STARD3NL: variants seen among roughly 807,000 people sequenced by gnomAD.
The protein encoded by STARD3NL is STARD3 N-terminal-like protein.
Under a neutral mutation model 30.9 loss-of-function variants are expected in STARD3NL, and 17 were observed. That is an observed-to-expected ratio of 0.55 (90% CI 0.38 to 0.82). STARD3NL has a LOEUF of 0.82. STARD3NL is among the 40% of genes least tolerant of loss of function. The pLI is 0.00. For synonymous variants in STARD3NL, 112 were observed against 100.5 expected (o/e 1.11, Z -0.69); for missense variants, 234 against 277.6 (o/e 0.84, Z 1.12).
At position 38,224,806 on chromosome 7, in the gene STARD3NL, G is replaced by T. The variant is rs201544784; in HGVS notation, c.650-3993G>T. The stretch of plus-strand genomic sequence containing the variant: ...TAAAGTGCTTCCTTTAAGTGAAAAG[G>T]TGACAGTTCTCAACTTAATAAGAAA... On this transcript the variant is annotated intron_variant, in intron 7 of 8. Coordinates refer to ENST00000009041, the MANE Select transcript of STARD3NL (RefSeq NM_032016.4). Among the ~76,000 whole-genome samples, 8 of 152,240 alleles carry T rather than the reference G, an allele frequency of 5.3e-5. No homozygotes were observed. The East Asian group carries it at 7.7e-4, about 15-fold the overall frequency.
In STARD3NL at chr7:38,219,657, G is replaced by A. The variant is rs768953294; in HGVS notation, c.646G>A (p.Ala216Thr). The A allele has an allele frequency of 6.2e-7, 1 of 1,611,526 alleles. No homozygotes were observed. Among genetic ancestry groups the A allele is most frequent in the South Asian group, 1.1e-5 (1 of 90,984 alleles). Residue 216 changes from alanine to threonine, a missense_variant, in exon 7 of 9, where the codon GCA becomes ACA. Physicochemically the swap from Ala to Thr is moderately conservative, Grantham distance 58. Transcript: ENST00000009041. ...GQFYSPPESE[A>T]GSEEAEEKQD... ...GTTTTATTCCCCTCCTGAATCCGAA[G>A]CAGGTAAAAAACTTGATTATTATTT...
At chr7:38,214,503 G>A (rs1005461139) in intron 3 of STARD3NL, 69 bp downstream of exon 3, 1 of 974,374 alleles carries the variant, frequency 1.0e-6, no homozygotes, top group African/African-American at 1.7e-5. Flanking sequence ...CCTCTAAATA[G>A]ACTTCAAATT....
At chr7:38,217,343 G>A in intron 6 of STARD3NL, 38 bp downstream of exon 6, 2 of 1,585,374 alleles carry the variant, frequency 1.3e-6, no homozygotes, top group Non-Finnish European at 1.7e-6. Flanking sequence ...GAGGCGGACT[G>A]GATACCAAGC....
intron 6 of STARD3NL, among the ~76,000 whole-genome samples, chr7:38,218,420 C>G (rs1786249327): frequency 6.6e-6 from 1 of 152,170 alleles, no homozygotes; most frequent in Non-Finnish European, 1.5e-5. Context: ...CCTGTGCCGT[C>G]TATTCCTTTG....
intron 1 of STARD3NL, 87 bp from the exon 2 acceptor site, chr7:38,207,360 G>T: frequency 1.6e-6 from 1 of 637,126 alleles, no homozygotes; most frequent in Non-Finnish European, 2.7e-6. Flanking sequence ...TGTTCAGTTA[G>T]AGAAATAGTT....
intron 1 of STARD3NL, among the ~76,000 whole-genome samples, chr7:38,199,555 A>G (rs1229990816): frequency 2.6e-5 from 4 of 152,214 alleles, no homozygotes; most frequent in Non-Finnish European, 5.9e-5. Context: ...CTAGTGTGGT[A>G]AGCAGTATCA....
chr7:38,215,758 G>C (rs1786071638), intron 4 of STARD3NL: 1 of 152,332 alleles, frequency 6.6e-6, no homozygotes, highest in Non-Finnish European at 1.5e-5. Flanking sequence ...GGAAGAAAAT[G>C]TGGAGCTCCT....
intron 1 of STARD3NL, among the ~76,000 whole-genome samples, chr7:38,191,379 T>G (rs1410736792): frequency 2.0e-5 from 3 of 152,236 alleles, no homozygotes; most frequent in Admixed American, 2.0e-4. Flanking sequence ...TTGTCCCAAA[T>G]GGACCAGGGG....
rs948620616 is a variant in STARD3NL, at chr7:38,219,486, A to C, written c.554-79A>C. 4 of 967,742 alleles carry C rather than the reference A, an allele frequency of 4.1e-6. No individual in the cohort carries two copies. In the African/African-American group the frequency reaches 4.9e-5, roughly 12 times the overall value. The allele number at this position is 967,742 out of a possible 1,614,324, so 59.9% of individuals were successfully genotyped here. Reference sequence around the variant, plus strand: ...GGTATTTCATTGTAATAATAATACCATTTTATTTTACTTAATCTTGCCAAA... The same window carrying C: ...GGTATTTCATTGTAATAATAATACCCTTTTATTTTACTTAATCTTGCCAAA... On this transcript the variant is annotated intron_variant, in intron 6 of 8. Transcript: ENST00000009041.
At chr7:38,181,852 C>T (rs936288795) in intron 1 of STARD3NL, among the ~76,000 whole-genome samples, 1 of 152,138 alleles carries the variant, frequency 6.6e-6, no homozygotes, top group East Asian at 1.9e-4. Flanking sequence ...CTGGTCTTTG[C>T]CTCAGGCTTT....
At chr7:38,227,396 C>CT (rs1169808493) in intron 7 of STARD3NL, among the ~76,000 whole-genome samples, 1 of 152,194 alleles carries the variant, frequency 6.6e-6, no homozygotes, top group Non-Finnish European at 1.5e-5. Flanking sequence ...ACAGTTAAGT[C>CT]TTTACCTATT....
intron 2 of STARD3NL, among the ~76,000 whole-genome samples, chr7:38,212,056 G>A (rs1017786395): frequency 2.0e-5 from 3 of 152,030 alleles, no homozygotes; most frequent in Non-Finnish European, 4.4e-5. Context: ...CTCCTGGCTG[G>A]TCGCCTGCTT....
chr7:38,206,165 A>T (rs1285149928), intron 1 of STARD3NL, among the ~76,000 whole-genome samples: 3 of 152,170 alleles, frequency 2.0e-5, no homozygotes, highest in Non-Finnish European at 4.4e-5. Flanking sequence ...CTTTAGGGAA[A>T]TCTCAGCTGT....
chr7:38,184,658 GTATATAATATATACTATA>G (rs1784385282), intron 1 of STARD3NL, among the ~76,000 whole-genome samples: 1 of 139,922 alleles, frequency 7.1e-6, no homozygotes, highest in African/African-American at 2.7e-5. Flanking sequence ...AACCGATATA[GTATATAATATATACTATA>G]TATATAATAT....
chr7:38,195,975 G>C (rs1388373298), intron 1 of STARD3NL, among the ~76,000 whole-genome samples: 3 of 152,142 alleles, frequency 2.0e-5, no homozygotes. Context: ...AACCTGATTA[G>C]TCAGCAGCTT....
At chr7:38,187,947 A>C (rs983894993) in intron 1 of STARD3NL, among the ~76,000 whole-genome samples, 1 of 152,098 alleles carries the variant, frequency 6.6e-6, no homozygotes, top group Non-Finnish European at 1.5e-5. Context: ...TCTGTCGCCA[A>C]ATGCTTTGGG....
At chr7:38,224,642 C>G (rs1397843255) in intron 7 of STARD3NL, among the ~76,000 whole-genome samples, 1 of 152,210 alleles carries the variant, frequency 6.6e-6, no homozygotes, top group East Asian at 1.9e-4. Context: ...CACTGCCCAC[C>G]TGGTAGTCAC....
At chr7:38,181,732 C>T (rs912501426) in intron 1 of STARD3NL, among the ~76,000 whole-genome samples, 5 of 152,168 alleles carry the variant, frequency 3.3e-5, no homozygotes, top group African/African-American at 9.7e-5. Context: ...TCCTGGCTAT[C>T]TCTATTCTTT....
intron 1 of STARD3NL, among the ~76,000 whole-genome samples, chr7:38,197,651 C>G (rs1313116749): frequency 1.3e-5 from 2 of 152,146 alleles, no homozygotes; most frequent in Non-Finnish European, 2.9e-5. Flanking sequence ...TATCAGTTTT[C>G]CAGGTCTTGT....
Sources: gnomAD v4.1 joint callset for allele counts (sites outside exome capture counted in the v4.1 genomes callset) on GRCh38, gnomAD v4.1.1 for gene constraint, MANE v1.5 for transcripts, NCBI Gene and HGNC (gene_info 2026-07-23, HGNC 2026-07-21) for gene names.